The following WDR64 variants were observed in gnomAD, a reference collection of about 807,000 sequenced individuals.
WDR64 encodes WD repeat domain 64, also known as WD repeat-containing protein 64.
A neutral mutation model predicts 139.3 loss-of-function variants in WDR64; 112 were observed. The ratio of observed to expected loss-of-function variants is 0.80; its 90% CI spans 0.69 to 0.94. The LOEUF is 0.94. Among genes scored for constraint, WDR64 ranks in the 40% least tolerant of loss-of-function variants. The pLI, the probability that WDR64 is intolerant of heterozygous loss-of-function variation, is 0.00. For synonymous variants in WDR64, 444 were observed against 437.7 expected (o/e 1.01, Z -0.18); for missense variants, 1,206 against 1,293.1 (o/e 0.93, Z 1.03).
At chr1:241,745,245 G>A (rs1245741544) in intron 13 of WDR64, among the ~76,000 whole-genome samples, 1 of 151,896 alleles carries the variant, frequency 6.6e-6, no homozygotes, top group Non-Finnish European at 1.5e-5. Flanking sequence ...ACTCGAGTGA[G>A]CATCCTGATG....
chr1:241,670,326 A>C (rs1400025865), intron 2 of WDR64, among the ~76,000 whole-genome samples: 3 of 151,970 alleles, frequency 2.0e-5, no homozygotes, highest in African/African-American at 4.8e-5. Context: ...AACAGGCATA[A>C]AAACTCCCCC....
At chr1:241,801,088 C>G (rs750541920) in intron 27 of WDR64, 44 bp from the exon 28 acceptor site, 14 of 1,527,678 alleles carry the variant, frequency 9.2e-6, no homozygotes, top group Non-Finnish European at 1.3e-5. Flanking sequence ...TTGTGTTTGT[C>G]AGTAGAATGC....
intron 8 of WDR64, among the ~76,000 whole-genome samples, chr1:241,704,088 A>G (rs1667843081): frequency 6.6e-6 from 1 of 152,192 alleles, no homozygotes; most frequent in Non-Finnish European, 1.5e-5. Flanking sequence ...CTTGTTATTA[A>G]TGAACATCAT....
At chr1:241,746,231 A>C (rs1444291560) in intron 13 of WDR64, among the ~76,000 whole-genome samples, 1 of 152,052 alleles carries the variant, frequency 6.6e-6, no homozygotes, top group Non-Finnish European at 1.5e-5. Flanking sequence ...CTGGGTGTCG[A>C]GCAGGATTCG....
rs759815778 is a variant in WDR64 at position 241,775,088 on chromosome 1, C to T, written c.2431-17C>T. On this transcript the variant is annotated splice_polypyrimidine_tract_variant and intron_variant, in intron 20 of 27. Coordinates refer to ENST00000437684, the MANE Select transcript of WDR64 (RefSeq NM_001367482.1). ...ACTAGCAAAGAAAAAGTTTTATTTGCATTATACTTTATTTAGGGAAGACTA... is the reference window on the plus strand; with the variant it reads ...ACTAGCAAAGAAAAAGTTTTATTTGTATTATACTTTATTTAGGGAAGACTA... 54 of 1,535,572 alleles carry T rather than the reference C, an allele frequency of 3.5e-5. No individual in the cohort carries two copies. In the African/African-American group the frequency reaches 6.9e-4, roughly 20 times the overall value.
chr1:241,767,665 C>T (rs1658238188), intron 16 of WDR64, among the ~76,000 whole-genome samples: 1 of 152,152 alleles, frequency 6.6e-6, no homozygotes, highest in South Asian at 2.1e-4. Flanking sequence ...TCTCTCTTTA[C>T]ACTTCTTAAC....
chr1:241,652,763 C>A, intron 1 of WDR64, 134 bp downstream of exon 1: 1 of 1,041,568 alleles, frequency 9.6e-7, no homozygotes, highest in Non-Finnish European at 1.3e-6. Flanking sequence ...GACCTCAGTT[C>A]TTGTTCTTTC....
chr1:241,772,958 T>C (rs1558519298), intron 20 of WDR64, 27 bp downstream of exon 20: 2 of 1,539,752 alleles, frequency 1.3e-6, no homozygotes, highest in Admixed American at 4.1e-5. Flanking sequence ...AGTCTGGGAA[T>C]AGGAAAGAAT....
chr1:241,781,758 G>T (rs1425309440), intron 22 of WDR64, among the ~76,000 whole-genome samples: 1 of 148,422 alleles, frequency 6.7e-6, no homozygotes, highest in Non-Finnish European at 1.5e-5. Flanking sequence ...AAAAATAGAA[G>T]AGAATGGAAT....
At chr1:241,665,803 T>G (rs779292116) in intron 2 of WDR64, among the ~76,000 whole-genome samples, 69 of 152,248 alleles carry the variant, frequency 4.5e-4, no homozygotes, top group Non-Finnish European at 8.8e-4. Flanking sequence ...ATAAACACAT[T>G]TTTTTAGGAG....
chr1:241,730,036 T>C (rs1243059234), intron 10 of WDR64, among the ~76,000 whole-genome samples: 5 of 152,208 alleles, frequency 3.3e-5, no homozygotes, highest in African/African-American at 1.2e-4. Context: ...AGGAAAATTT[T>C]CTGGGGAAGA....
chr1:241,736,707 A>T (rs906426245), intron 10 of WDR64, among the ~76,000 whole-genome samples: 3 of 152,222 alleles, frequency 2.0e-5, no homozygotes, highest in African/African-American at 7.2e-5. Context: ...CTGCACAATG[A>T]AGAAGAGAAA....
chr1:241,664,758 G>A (rs954082377), intron 2 of WDR64, among the ~76,000 whole-genome samples: 3 of 151,982 alleles, frequency 2.0e-5, no homozygotes, highest in Non-Finnish European at 2.9e-5. Context: ...GCCACGCAAT[G>A]TAGATTATGG....
At chr1:241,654,771 T>A (rs28460485) in intron 1 of WDR64, among the ~76,000 whole-genome samples, 14,508 of 152,212 alleles carry the variant, frequency 0.095, 1,584 homozygotes, top group African/African-American at 0.26. Flanking sequence ...GGCATATTAA[T>A]ATTTGCTTTC....
chr1:241,797,188 C>G (rs951098), intron 27 of WDR64, among the ~76,000 whole-genome samples: 64,962 of 152,042 alleles, frequency 0.43, 15,306 homozygotes, highest in Middle Eastern at 0.65. Context: ...ATATTAGACT[C>G]TCTTAGAGCT....
rs1414669464 is a variant in WDR64 at position 241,790,837 on chromosome 1, C to T, written c.2997+141C>T. 4.2e-6 allele frequency: 3 copies of T among 707,136 alleles called. No individual in the cohort carries two copies. In the South Asian group the frequency reaches 6.1e-5, roughly 14 times the overall value. The allele number at this position is 707,136 out of a possible 1,614,324, so 43.8% of individuals were successfully genotyped here. On this transcript the variant is annotated intron_variant, in intron 25 of 27. Coordinates refer to ENST00000437684, the MANE Select transcript of WDR64 (RefSeq NM_001367482.1). ...TTACAAATTACTATAAACTTGGTGG[C>T]TTAAACAATACAAATTAATTATCTC...
At chr1:241,718,793 T>C (rs1668496180) in intron 9 of WDR64, among the ~76,000 whole-genome samples, 1 of 152,092 alleles carries the variant, frequency 6.6e-6, no homozygotes, top group Non-Finnish European at 1.5e-5. Flanking sequence ...TCCTGGCTTG[T>C]AGACATCTGC....
intron 21 of WDR64, among the ~76,000 whole-genome samples, chr1:241,776,154 C>G (rs143210358): frequency 8.6e-4 from 131 of 152,264 alleles, no homozygotes; most frequent in African/African-American, 3.1e-3. Flanking sequence ...TCCTGGCTCA[C>G]TGCAACCTCT....
chr1:241,799,213 A>AAAAAAAAAAAAAAAAC (rs1659451807), intron 27 of WDR64, among the ~76,000 whole-genome samples: 3 of 133,650 alleles, frequency 2.2e-5, no homozygotes, highest in Non-Finnish European at 5.0e-5. Flanking sequence ...AAAAAAAAAA[A>AAAAAAAAAAAAAAAAC]AAAAAAAAAA....
Sources: allele counts gnomAD v4.1 joint callset (sites outside exome capture counted in the v4.1 genomes callset), GRCh38; gene constraint gnomAD v4.1.1; transcripts MANE v1.5; gene names NCBI Gene and HGNC (gene_info 2026-07-23, HGNC 2026-07-21).